Variants in GRM3 observed in about 807,000 individuals in gnomAD.
The protein encoded by GRM3 is glutamate metabotropic receptor 3.
GRM3 carries 26 observed loss-of-function variants against 70.5 expected under a neutral mutation model. The ratio of observed to expected loss-of-function variants is 0.37; its 90% confidence interval spans 0.27 to 0.51. The LOEUF is 0.51. Among genes scored for constraint, GRM3 ranks in the 20% least tolerant of loss-of-function variants. GRM3 has a pLI of 0.93. For missense variants in GRM3, 859 were observed against 1,123.8 expected (o/e 0.76, Z 3.37); for synonymous variants, 443 against 434.9 (o/e 1.02, Z -0.23).
intron 5 of GRM3, among the ~76,000 whole-genome samples, chr7:86,855,310 G>A (rs748194973): frequency 2.0e-5 from 3 of 152,100 alleles, no homozygotes; most frequent in Non-Finnish European, 2.9e-5. Flanking sequence ...TGAGAATATT[G>A]GCACTAACAT....
At chr7:86,833,054 G>A in intron 3 of GRM3, 1 of 977,356 alleles carries the variant, frequency 1.0e-6, no homozygotes, top group South Asian at 4.7e-5. Context: ...CAACACCAGT[G>A]AAAGGTGAAG....
rs530428160 is a variant in GRM3, at chr7:86,742,092, A to C, written c.-140-22914A>C. 9.2e-5 allele frequency among the ~76,000 whole-genome samples: 14 copies of C among 152,296 alleles called. 1 individual carries two copies. Among genetic ancestry groups the C allele is most frequent in the African/African-American group, 3.4e-4 (14 of 41,570 alleles). On this transcript the variant is annotated intron_variant, in intron 1 of 5. Transcript: ENST00000361669. Reference sequence around the variant, plus strand: ...CAAGACTGGTGGCTGGAATCATCTAAAGGCTTGTTCACTAGCATGTTTAGT... The same window carrying C: ...CAAGACTGGTGGCTGGAATCATCTACAGGCTTGTTCACTAGCATGTTTAGT...
chr7:86,764,461 A>T lies in GRM3; in HGVS notation c.-140-545A>T, dbSNP rs567605314. Among the ~76,000 whole-genome samples, 14 of 152,278 alleles carry T rather than the reference A, an allele frequency of 9.2e-5. No individual in the cohort carries two copies. The East Asian group carries it at 2.5e-3, about 27-fold the overall frequency. On this transcript the variant is annotated intron_variant, in intron 1 of 5. Coordinates refer to ENST00000361669, the MANE Select transcript of GRM3 (RefSeq NM_000840.3). ...CAGTTGAGGCAGACTCTTAACCTCA[A>T]TGGGCTAGGATAGTTCATCTATTAA...
chr7:86,769,751 A>C (rs1311607465), intron 2 of GRM3, among the ~76,000 whole-genome samples: 1 of 152,192 alleles, frequency 6.6e-6, no homozygotes, highest in Non-Finnish European at 1.5e-5. Flanking sequence ...CAATGCTCTT[A>C]TTAAGTACAA....
At chr7:86,676,148 A>G (rs1005141766) in intron 1 of GRM3, among the ~76,000 whole-genome samples, 3 of 151,962 alleles carry the variant, frequency 2.0e-5, no homozygotes, top group Non-Finnish European at 2.9e-5. Flanking sequence ...AGCTACATGA[A>G]TTTCATCAAT....
chr7:86,749,702 T>C (rs923977182), intron 1 of GRM3, among the ~76,000 whole-genome samples: 2 of 152,030 alleles, frequency 1.3e-5, no homozygotes, highest in African/African-American at 4.8e-5. Flanking sequence ...GCAATAATAA[T>C]GTAGGAATTT....
intron 1 of GRM3, among the ~76,000 whole-genome samples, chr7:86,714,954 C>G (rs1220047731): frequency 6.6e-6 from 1 of 151,938 alleles, no homozygotes; most frequent in Non-Finnish European, 1.5e-5. Context: ...GTGATTGTCA[C>G]AAAACAACTC....
intron 3 of GRM3, among the ~76,000 whole-genome samples, chr7:86,816,859 T>C (rs1033849790): frequency 6.6e-6 from 1 of 151,932 alleles, no homozygotes; most frequent in African/African-American, 2.4e-5. Flanking sequence ...GAAAGGCCAT[T>C]TCTGAATTAG....
At chr7:86,858,583 T>TG (rs1429062295) in intron 5 of GRM3, among the ~76,000 whole-genome samples, 1 of 152,160 alleles carries the variant, frequency 6.6e-6, no homozygotes, top group African/African-American at 2.4e-5. Context: ...GCCATGCTCT[T>TG]GCACTTTCCA....
At chr7:86,674,625 C>A (rs1327704451) in intron 1 of GRM3, among the ~76,000 whole-genome samples, 1 of 152,108 alleles carries the variant, frequency 6.6e-6, no homozygotes, top group Admixed American at 6.6e-5. Flanking sequence ...ACTTAATGAA[C>A]ACCTAAAAGA....
chr7:86,802,790 T>C (rs1797711217), intron 3 of GRM3, among the ~76,000 whole-genome samples: 1 of 152,196 alleles, frequency 6.6e-6, no homozygotes, highest in Non-Finnish European at 1.5e-5. Context: ...TCCAAGACCA[T>C]GATAGTTTTG....
intron 1 of GRM3, among the ~76,000 whole-genome samples, chr7:86,733,566 T>C (rs766713924): frequency 6.6e-6 from 1 of 152,114 alleles, no homozygotes; most frequent in South Asian, 2.1e-4. Flanking sequence ...ATGGAGAAGA[T>C]AAGAGTTTAT....
Position 86,711,017 on chromosome 7 carries a change from A to G in GRM3, c.-140-53989A>G, listed in dbSNP as rs540199170. On this transcript the variant is annotated intron_variant, in intron 1 of 5. Transcript: ENST00000361669. ...ACCACTCTTCATGTTGCTTCACTTA[A>G]CTTGTAATCCTGGCTCTACCATGTA... 7.2e-5 allele frequency among the ~76,000 whole-genome samples: 11 copies of G among 152,100 alleles called. 1 individual carries two copies. The South Asian group carries it at 2.3e-3, about 32-fold the overall frequency.
At chr7:86,792,916 T>C (rs2237562) in intron 3 of GRM3, among the ~76,000 whole-genome samples, 59,324 of 151,838 alleles carry the variant, frequency 0.39, 13,812 homozygotes, top group African/African-American at 0.66. Context: ...CTGTTACTGA[T>C]GGACTCATCA....
chr7:86,669,831 C>G (rs895345383), intron 1 of GRM3, among the ~76,000 whole-genome samples: 2 of 152,144 alleles, frequency 1.3e-5, no homozygotes, highest in Non-Finnish European at 2.9e-5. Context: ...CACTTAGTCT[C>G]TCAATGAAGT....
intron 1 of GRM3, among the ~76,000 whole-genome samples, chr7:86,749,032 G>A (rs548374426): frequency 3.7e-4 from 57 of 152,090 alleles, no homozygotes; most frequent in African/African-American, 1.3e-3. Flanking sequence ...CAAAGTTGAG[G>A]CAACATTAGT....
rs567826946 is a variant in GRM3, at chr7:86,755,480, G to A, written c.-140-9526G>A. On this transcript the variant is annotated intron_variant, in intron 1 of 5. Transcript: ENST00000361669. ...TAAGGAAATATGGGGGTTAAGGATG[G>A]GAGAGGGTAGGTGGAGATATGCCAG... Among the ~76,000 whole-genome samples, 26 of 152,208 alleles carry A rather than the reference G, an allele frequency of 1.7e-4. No individual in the cohort carries two copies. In the South Asian group the frequency reaches 5.2e-3, roughly 30 times the overall value.
Position 86,655,848 on chromosome 7 carries a change from GTGT to G in GRM3, c.-141+10977_-141+10979del, listed in dbSNP as rs1445122629. On this transcript the variant is annotated intron_variant, in intron 1 of 5. Coordinates refer to ENST00000361669, the MANE Select transcript of GRM3 (RefSeq NM_000840.3). ...TGTGTGTGTGTGTGTGTGTGTGTGTGTGTGGGTGGGTGGGTGTGTGTGTATGTG... is the reference window on the plus strand; with the variant it reads ...TGTGTGTGTGTGTGTGTGTGTGTGTGGGGTGGGTGGGTGTGTGTGTATGTG... 4.0e-3 allele frequency among the ~76,000 whole-genome samples: 545 copies of G among 134,714 alleles called. 11 individuals carry two copies. Among genetic ancestry groups the G allele is most frequent in the African/African-American group, 0.016 (511 of 32,932 alleles). The allele number at this position is 134,714 out of a possible 152,430, so 88.4% of individuals were successfully genotyped here. A position where few individuals can be genotyped will look rare whatever the true frequency, so the allele number is the denominator to read the frequency against.
At chr7:86,798,135 GA>G (rs1236954298) in intron 3 of GRM3, among the ~76,000 whole-genome samples, 4 of 152,158 alleles carry the variant, frequency 2.6e-5, no homozygotes, top group Non-Finnish European at 5.9e-5. Flanking sequence ...AGTATAGAAG[GA>G]AAAAGTGGAG....
Sources: gnomAD v4.1 joint callset for allele counts (sites outside exome capture counted in the v4.1 genomes callset) on GRCh38, gnomAD v4.1.1 for gene constraint, MANE v1.5 for transcripts, NCBI Gene and HGNC (gene_info 2026-07-23, HGNC 2026-07-21) for gene names.